HSPA14: variants seen among roughly 807,000 people sequenced by gnomAD.
The protein encoded by HSPA14 is heat shock 70 kDa protein 14.
HSPA14 carries 37 observed loss-of-function variants against 65.5 expected under a neutral mutation model. That is an observed-to-expected ratio of 0.56 (90% CI 0.43 to 0.74). HSPA14 has a LOEUF of 0.74. Among genes scored for constraint, HSPA14 ranks in the 30% least tolerant of loss-of-function variants. HSPA14 has a pLI of 0.00. For synonymous variants in HSPA14, 203 were observed against 214.2 expected (o/e 0.95, Z 0.46); for missense variants, 564 against 607.6 (o/e 0.93, Z 0.75).
intron 10 of HSPA14, among the ~76,000 whole-genome samples, chr10:14,859,699 C>T (rs12098756): frequency 0.015 from 2,334 of 152,264 alleles, 63 homozygotes; most frequent in African/African-American, 0.054. Flanking sequence ...GTCTTTGTAA[C>T]TTGGTGGATG....
chr10:14,871,493 C>A (rs1371266723), intron 13 of HSPA14, 35 bp from the exon 14 acceptor site: 7 of 1,194,212 alleles, frequency 5.9e-6, no homozygotes, highest in Non-Finnish European at 8.6e-6. Context: ...ATAAAATGAG[C>A]TTGTGCAATG....
chr10:14,838,553 G>A (rs1280736062), intron 1 of HSPA14, 94 bp downstream of exon 1: 4 of 1,251,582 alleles, frequency 3.2e-6, no homozygotes, highest in African/African-American at 1.5e-5. Flanking sequence ...CGTGTCGCCG[G>A]CCTAGGGATG....
At chr10:14,844,657 C>T (rs2131637465) in intron 3 of HSPA14, 1 of 982,186 alleles carries the variant, frequency 1.0e-6, no homozygotes, top group Non-Finnish European at 1.2e-6. Flanking sequence ...AGGGAGCCGC[C>T]ATTGTGTGTT....
intron 3 of HSPA14, among the ~76,000 whole-genome samples, chr10:14,848,360 C>G (rs985540140): frequency 6.6e-6 from 1 of 152,064 alleles, no homozygotes; most frequent in Non-Finnish European, 1.5e-5. Context: ...AATAGCACAG[C>G]CAGAACAAGA....
chr10:14,852,236 G>T, intron 7 of HSPA14, 134 bp from the exon 8 acceptor site: 2 of 705,452 alleles, frequency 2.8e-6, no homozygotes, highest in East Asian at 5.3e-5. Flanking sequence ...AGTGACTATA[G>T]ACAACTTAGT....
chr10:14,858,934 T>G (rs1482496287), intron 10 of HSPA14, among the ~76,000 whole-genome samples: 1 of 152,206 alleles, frequency 6.6e-6, no homozygotes, highest in African/African-American at 2.4e-5. Context: ...ACCTGTGCTC[T>G]TCATGCTTGT....
At chr10:14,843,790 A>G (rs1224087470) in intron 3 of HSPA14, 1 of 1,536,350 alleles carries the variant, frequency 6.5e-7, no homozygotes, top group African/African-American at 1.4e-5. Context: ...GGATGCTGTC[A>G]TCGCAGTCAG....
chr10:14,846,416 G>T (rs1178636045), intron 3 of HSPA14: 1 of 985,256 alleles, frequency 1.0e-6, no homozygotes. Context: ...AATGGGTAAA[G>T]TAACCCTAAT....
chr10:14,863,797 G>C (rs1832777747), intron 10 of HSPA14, among the ~76,000 whole-genome samples: 2 of 152,080 alleles, frequency 1.3e-5, no homozygotes, highest in African/African-American at 2.4e-5. Flanking sequence ...TCAGGTGCTT[G>C]AACTCACTTA....
chr10:14,845,657 A>C (rs1016779595), intron 3 of HSPA14: 2 of 482,930 alleles, frequency 4.1e-6, no homozygotes, highest in Non-Finnish European at 5.4e-6. Context: ...GCAGTGGTGC[A>C]ATCTTGGCTC....
intron 10 of HSPA14, among the ~76,000 whole-genome samples, chr10:14,858,615 C>CG: frequency 6.6e-6 from 1 of 152,206 alleles, no homozygotes; most frequent in Admixed American, 6.5e-5. Flanking sequence ...AGGTGCATGT[C>CG]AGTGCATTCA....
At position 14,846,468 on chromosome 10, in the gene HSPA14, A is replaced by G. The variant is rs146822649; in HGVS notation, c.222-2141A>G. On this transcript the variant is annotated intron_variant, in intron 3 of 13. Transcript: ENST00000378372. ...AGGGAAAGGTCTTGAATAAGTACAC[A>G]GAAAAATAGGCTAAAAATATTAAGG... is the stretch of plus-strand genomic sequence containing the variant. 4.8e-3 allele frequency: 4,718 copies of G among 985,406 alleles called. 14 individuals carry two copies. Among genetic ancestry groups the G allele is most frequent in the African/African-American group, 9.4e-3 (537 of 57,364 alleles). The allele number at this position is 985,406 out of a possible 1,614,324, so 61.0% of individuals were successfully genotyped here.
intron 10 of HSPA14, among the ~76,000 whole-genome samples, chr10:14,858,959 C>A (rs943454243): frequency 2.0e-5 from 3 of 152,140 alleles, no homozygotes; most frequent in African/African-American, 7.2e-5. Context: ...GTTGCCTTCT[C>A]ATTTTAGTAC....
At chr10:14,865,993 A>T (rs950551848) in intron 10 of HSPA14, among the ~76,000 whole-genome samples, 33 of 152,172 alleles carry the variant, frequency 2.2e-4, no homozygotes, top group African/African-American at 8.0e-4. Context: ...TATTTTGTTG[A>T]GCAGTGGTTT....
At chr10:14,851,434 G>C (rs558415986) in intron 7 of HSPA14, 111 bp downstream of exon 7, 3 of 667,614 alleles carry the variant, frequency 4.5e-6, no homozygotes, top group Admixed American at 5.9e-5. Flanking sequence ...AAACCTTTCT[G>C]GATGGAAAAA....
intron 10 of HSPA14, among the ~76,000 whole-genome samples, chr10:14,859,232 T>C (rs1832732256): frequency 6.6e-6 from 1 of 152,278 alleles, no homozygotes; most frequent in East Asian, 1.9e-4. Context: ...GCCACCTGTT[T>C]AGGTGAGGGA....
At position 14,870,641 on chromosome 10, in the gene HSPA14, T is replaced by TA; in HGVS notation, c.1426dup (p.Ile476AsnfsTer26). ...ATAAAAAAGAAAATGGATTACGTGA[T>TA]ATATTAGCTGTTCTTACTATGAAAA... is the stretch of plus-strand genomic sequence containing the variant. On this transcript the variant is annotated frameshift_variant, in exon 13 of 14. Transcript: ENST00000378372. LOFTEE classifies it high-confidence loss of function. 1 of 1,582,450 alleles carries TA rather than the reference T, an allele frequency of 6.3e-7. No individual in the cohort carries two copies. Among genetic ancestry groups the TA allele is most frequent in the South Asian group, 1.1e-5 (1 of 88,546 alleles).
chr10:14,867,007 T>C, intron 10 of HSPA14, 76 bp from the exon 11 acceptor site: 1 of 991,352 alleles, frequency 1.0e-6, no homozygotes, highest in Non-Finnish European at 1.6e-6. Context: ...TGAAGATGAC[T>C]CAGTCTATTA....
At chr10:14,862,891 C>T (rs1463829825) in intron 10 of HSPA14, among the ~76,000 whole-genome samples, 1 of 150,950 alleles carries the variant, frequency 6.6e-6, no homozygotes. Context: ...ACCATGTCGC[C>T]CAGGCTAGTC....
Sources: gnomAD v4.1 joint callset for allele counts (sites outside exome capture counted in the v4.1 genomes callset) on GRCh38, gnomAD v4.1.1 for gene constraint, MANE v1.5 for transcripts, NCBI Gene and HGNC (gene_info 2026-07-23, HGNC 2026-07-21) for gene names.